RAB8B: variants seen among roughly 807,000 people sequenced by gnomAD.
RAB8B encodes the protein RAB8B, member RAS oncogene family.
RAB8B carries 11 observed loss-of-function variants against 32.0 expected under a neutral mutation model. The observed-to-expected ratio is 0.34, with a 90% CI of 0.22 to 0.57. The LOEUF is 0.57. Ranked by LOEUF, RAB8B falls within the 20% of genes least tolerant of loss-of-function variation. The pLI is 0.86. For synonymous variants in RAB8B, 103 were observed against 89.6 expected, an observed-to-expected ratio of 1.15 and a Z score of -0.85; for missense variants, 190 against 258.5, an observed-to-expected ratio of 0.73 and a Z score of 1.82.
intron 3 of RAB8B, among the ~76,000 whole-genome samples, chr15:63,252,104 A>G (rs113386269): frequency 2.0e-5 from 3 of 152,006 alleles, no homozygotes; most frequent in African/African-American, 7.2e-5. Flanking sequence ...TTAGGAAGCT[A>G]TTCTTCTTGT....
chr15:63,240,972 G>T (rs183172281), intron 1 of RAB8B, among the ~76,000 whole-genome samples: 1 of 152,284 alleles, frequency 6.6e-6, no homozygotes, highest in East Asian at 1.9e-4. Flanking sequence ...AAGAACAGGC[G>T]TTACTACTTT....
intron 1 of RAB8B, among the ~76,000 whole-genome samples, chr15:63,230,821 G>A (rs989720256): frequency 6.6e-6 from 1 of 152,054 alleles, no homozygotes; most frequent in African/African-American, 2.4e-5. Context: ...TCTGTCTCCC[G>A]AGTAGCTAGG....
intron 1 of RAB8B, among the ~76,000 whole-genome samples, chr15:63,207,229 G>A (rs1024279843): frequency 6.6e-6 from 1 of 152,100 alleles, no homozygotes; most frequent in East Asian, 1.9e-4. Context: ...TAAACTCCGC[G>A]AGTGCACATA....
At chr15:63,213,037 C>G (rs927890574) in intron 1 of RAB8B, among the ~76,000 whole-genome samples, 1 of 152,204 alleles carries the variant, frequency 6.6e-6, no homozygotes, top group Non-Finnish European at 1.5e-5. Flanking sequence ...AGTCTTCCCT[C>G]CCTCCCTCTC....
intron 1 of RAB8B, among the ~76,000 whole-genome samples, chr15:63,215,934 C>T (rs1055677265): frequency 2.0e-5 from 3 of 151,710 alleles, no homozygotes; most frequent in Non-Finnish European, 4.4e-5. Flanking sequence ...GCTACTCTGG[C>T]GGCTGAGGTG....
intron 1 of RAB8B, among the ~76,000 whole-genome samples, chr15:63,228,231 G>A (rs1856315327): frequency 1.3e-5 from 2 of 152,090 alleles, no homozygotes; most frequent in Non-Finnish European, 2.9e-5. Context: ...GCCCAAGCTG[G>A]TCTCAAACTC....
In RAB8B at chr15:63,259,557, T is replaced by A; in HGVS notation, c.415-70T>A. The A allele has an allele frequency of 7.2e-7, 1 of 1,387,802 alleles. No homozygotes were observed. The highest frequency in any genetic ancestry group is 1.0e-6 in the Non-Finnish European group (1 of 985,926). 86.0% of individuals were successfully genotyped at this position (1,387,802 alleles called of 1,614,324 possible). Reference sequence around the variant, plus strand: ...CCTACCTTTGAGACTTTGAAAAACCTAAGAAATACAAATGCATTATGTGTT... The same window carrying A: ...CCTACCTTTGAGACTTTGAAAAACCAAAGAAATACAAATGCATTATGTGTT... On this transcript the variant is annotated intron_variant, in intron 5 of 7. Coordinates refer to ENST00000321437, the MANE Select transcript of RAB8B (RefSeq NM_016530.3). The surrounding 1 kb of genome is among the most constrained non-coding windows in gnomAD (Gnocchi z 4.4).
At chr15:63,227,053 G>C (rs2037894645) in intron 1 of RAB8B, among the ~76,000 whole-genome samples, 1 of 152,116 alleles carries the variant, frequency 6.6e-6, no homozygotes, top group African/African-American at 2.4e-5. Flanking sequence ...TTTTGGTTTT[G>C]GTGGCTTTGG....
At chr15:63,223,454 A>C (rs1396377005) in intron 1 of RAB8B, among the ~76,000 whole-genome samples, 1 of 152,052 alleles carries the variant, frequency 6.6e-6, no homozygotes, top group Non-Finnish European at 1.5e-5. Flanking sequence ...TACTTTTTCT[A>C]TGTTTAGATA....
intron 1 of RAB8B, among the ~76,000 whole-genome samples, chr15:63,198,470 G>A (rs1387939071): frequency 6.6e-6 from 1 of 151,916 alleles, no homozygotes; most frequent in Non-Finnish European, 1.5e-5. Context: ...GATAATGGTG[G>A]TACTTGTGGT....
Position 63,263,656 on chromosome 15 carries a change from GC to G in RAB8B, c.*40del. On this transcript the variant is annotated 3_prime_UTR_variant, in exon 8 of 8. Transcript: ENST00000321437. ...TGAGAGACTGCAGCACACCTAGAGG[GC>G]CCTTTCCTGCTTCTCTGAAAGCACA... The G allele has an allele frequency of 6.7e-7, 1 of 1,501,124 alleles. No individual in the cohort carries two copies. The highest frequency in any genetic ancestry group is 9.3e-7 in the Non-Finnish European group (1 of 1,079,260). 93.0% of individuals were successfully genotyped at this position (1,501,124 alleles called of 1,614,324 possible).
At chr15:63,199,675 C>T (rs2652846) in intron 1 of RAB8B, among the ~76,000 whole-genome samples, 144,823 of 152,182 alleles carry the variant, frequency 0.95, 68,996 homozygotes, top group East Asian at 1. Flanking sequence ...TTTTTTGTTT[C>T]TTTGTGGGCT....
chr15:63,192,376 C>G (rs1049988283), intron 1 of RAB8B, among the ~76,000 whole-genome samples: 5 of 152,202 alleles, frequency 3.3e-5, no homozygotes, highest in African/African-American at 4.8e-5. Flanking sequence ...TCCCTCCATG[C>G]CCCTCACCTC....
chr15:63,251,150 G>C, intron 3 of RAB8B: 2 of 400,928 alleles, frequency 5.0e-6, no homozygotes, highest in Non-Finnish European at 9.7e-6. Flanking sequence ...ATACTTTTAA[G>C]ATTGTGAAGG....
intron 1 of RAB8B, among the ~76,000 whole-genome samples, chr15:63,222,056 G>T (rs1432266539): frequency 6.6e-6 from 1 of 152,182 alleles, no homozygotes; most frequent in Non-Finnish European, 1.5e-5. Flanking sequence ...CTTCAGACTG[G>T]GTTCAGCTGA....
intron 1 of RAB8B, among the ~76,000 whole-genome samples, chr15:63,225,546 C>G (rs927698347): frequency 6.6e-6 from 1 of 152,170 alleles, no homozygotes; most frequent in East Asian, 1.9e-4. Context: ...CAGACACTTT[C>G]ATATCTTAGG....
intron 3 of RAB8B, among the ~76,000 whole-genome samples, chr15:63,254,282 C>T (rs1286750665): frequency 1.3e-5 from 2 of 152,188 alleles, no homozygotes; most frequent in African/African-American, 4.8e-5. Context: ...CTGCCCACTC[C>T]AGCCCCTCAA....
chr15:63,234,502 A>G (rs1305415974), intron 1 of RAB8B, among the ~76,000 whole-genome samples: 2 of 152,162 alleles, frequency 1.3e-5, no homozygotes, highest in East Asian at 3.8e-4. Flanking sequence ...TTTCCCTGTT[A>G]GATCTGTTAA....
chr15:63,233,736 C>T (rs1001430537), intron 1 of RAB8B, among the ~76,000 whole-genome samples: 1 of 152,192 alleles, frequency 6.6e-6, no homozygotes, highest in Non-Finnish European at 1.5e-5. Context: ...AATATACAAA[C>T]CACATAACCC....
Sources: gnomAD v4.1 joint callset for allele counts (sites outside exome capture counted in the v4.1 genomes callset) on GRCh38, gnomAD v4.1.1 for gene constraint, Gnocchi (gnomAD v3.1) non-coding constraint, MANE v1.5 for transcripts, NCBI Gene and HGNC (gene_info 2026-07-23, HGNC 2026-07-21) for gene names.